The following NKAIN3 variants were observed in gnomAD, a reference collection of about 807,000 sequenced individuals.
NKAIN3 encodes sodium/potassium-transporting ATPase subunit beta-1-interacting protein 3.
Under a neutral mutation model 30.2 loss-of-function variants are expected in NKAIN3, and 25 were observed. That is an observed-to-expected ratio of 0.83 (90% CI 0.60 to 1.16). The LOEUF is 1.16. NKAIN3 is among the 50% of genes most tolerant of loss of function. NKAIN3 has a pLI of 0.00. For missense variants in NKAIN3, 225 were observed against 254.1 expected, an observed-to-expected ratio of 0.89 and a Z score of 0.78; for synonymous variants, 91 against 89.6, an observed-to-expected ratio of 1.02 and a Z score of -0.09.
intron 1 of NKAIN3, among the ~76,000 whole-genome samples, chr8:62,559,424 A>G (rs1373637547): frequency 6.6e-6 from 1 of 152,036 alleles, no homozygotes; most frequent in East Asian, 1.9e-4. Flanking sequence ...GATTCTCAAC[A>G]TATTAAGACA....
chr8:62,319,562 T>A (rs1173330868), intron 1 of NKAIN3, among the ~76,000 whole-genome samples: 1 of 152,208 alleles, frequency 6.6e-6, no homozygotes, highest in Non-Finnish European at 1.5e-5. Flanking sequence ...AAAGAACATA[T>A]TTATTTCTGC....
chr8:62,921,409 C>A (rs1032429750), intron 5 of NKAIN3, among the ~76,000 whole-genome samples: 1 of 152,136 alleles, frequency 6.6e-6, no homozygotes, highest in South Asian at 2.1e-4. Flanking sequence ...ATAACAGCTA[C>A]CACTTCTCTC....
intron 4 of NKAIN3, among the ~76,000 whole-genome samples, chr8:62,899,647 C>T (rs1821540461): frequency 6.6e-6 from 1 of 152,000 alleles, no homozygotes; most frequent in Non-Finnish European, 1.5e-5. Flanking sequence ...AAAGAAGTTA[C>T]AAAGAATGAA....
At chr8:62,566,972 A>G (rs1482099425) in intron 1 of NKAIN3, among the ~76,000 whole-genome samples, 1 of 152,104 alleles carries the variant, frequency 6.6e-6, no homozygotes, top group Non-Finnish European at 1.5e-5. Flanking sequence ...ATACTCTAGG[A>G]TATATACTGG....
Position 62,974,075 on chromosome 8 carries a change from G to A in NKAIN3, c.*8668G>A, listed in dbSNP as rs1823892450. Among the ~76,000 whole-genome samples, 1 of 152,172 alleles carries A rather than the reference G, an allele frequency of 6.6e-6. No homozygotes were observed. Among genetic ancestry groups the A allele is most frequent in the Non-Finnish European group, 1.5e-5 (1 of 68,018 alleles). On this transcript the variant is annotated 3_prime_UTR_variant, in exon 7 of 7. Transcript: ENST00000623646. ...TTGTTTTGGTTACTGTAGCCTTGTA[G>A]TATAGTTTGAAGTTAGGTAGCATGA... is the stretch of plus-strand genomic sequence containing the variant.
At chr8:62,705,419 C>A (rs922435875) in intron 3 of NKAIN3, among the ~76,000 whole-genome samples, 1 of 152,136 alleles carries the variant, frequency 6.6e-6, no homozygotes, top group Admixed American at 6.5e-5. Flanking sequence ...TAGCAATTGG[C>A]GCAGTCCGGG....
At chr8:62,994,534 A>G (rs1804057190) in intron 5 of NKAIN3, among the ~76,000 whole-genome samples, 1 of 152,244 alleles carries the variant, frequency 6.6e-6, no homozygotes, top group Non-Finnish European at 1.5e-5. Context: ...CTTTCCTCAT[A>G]AAACCTGTTT....
At chr8:62,811,882 T>C (rs1818499655) in intron 4 of NKAIN3, among the ~76,000 whole-genome samples, 1 of 152,026 alleles carries the variant, frequency 6.6e-6, no homozygotes, top group Non-Finnish European at 1.5e-5. Context: ...CCATGGATCA[T>C]GCATTGCATG....
At position 62,306,577 on chromosome 8, in the gene NKAIN3, T is replaced by TGTGTGTTG. The variant is rs369616688; in HGVS notation, c.54+57450_54+57451insGTGTGTTG. Among the ~76,000 whole-genome samples the TGTGTGTTG allele has an allele frequency of 1.7e-3, 212 of 123,752 alleles. 9 individuals are homozygous for TGTGTGTTG. Among genetic ancestry groups the TGTGTGTTG allele is most frequent in the African/African-American group, 5.9e-3 (183 of 30,926 alleles). 81.2% of individuals were successfully genotyped at this position (123,752 alleles called of 152,430 possible). ...GTGTGTGTGTGTGTGTGTGTGTGTG[T>TGTGTGTTG]TGTGTGTGTGTTTAGTTTATGTGTG... On this transcript the variant is annotated intron_variant, in intron 1 of 6. Coordinates refer to ENST00000623646, the MANE Select transcript of NKAIN3 (RefSeq NM_001304533.3).
intron 1 of NKAIN3, among the ~76,000 whole-genome samples, chr8:62,477,852 G>A (rs566006685): frequency 4.3e-4 from 66 of 151,920 alleles, no homozygotes; most frequent in South Asian, 8.3e-4. Context: ...AACAGTGAGG[G>A]GATTAGAACA....
At position 62,404,791 on chromosome 8, in the gene NKAIN3, G is replaced by C. The variant is rs192481813; in HGVS notation, c.54+155664G>C. 2.1e-3 allele frequency among the ~76,000 whole-genome samples: 321 copies of C among 150,544 alleles called. 1 individual carries two copies. Among genetic ancestry groups the C allele is most frequent in the African/African-American group, 7.4e-3 (305 of 41,356 alleles). ...TACCTATGCTGTAAGACAAAATACT[G>C]TGTACTTTTCCCTGTCCTTTCCTCA... On this transcript the variant is annotated intron_variant, in intron 1 of 6. Coordinates refer to ENST00000623646, the MANE Select transcript of NKAIN3 (RefSeq NM_001304533.3).
chr8:62,559,565 T>C (rs768512029), intron 1 of NKAIN3, among the ~76,000 whole-genome samples: 2 of 152,074 alleles, frequency 1.3e-5, no homozygotes, highest in Admixed American at 1.3e-4. Context: ...TATAGTGATT[T>C]TGAGTGTATC....
chr8:62,703,793 A>G (rs913843558), intron 3 of NKAIN3, among the ~76,000 whole-genome samples: 6 of 152,256 alleles, frequency 3.9e-5, no homozygotes, highest in African/African-American at 1.4e-4. Context: ...GTCTAGGTGT[A>G]AAATGCTGGG....
At chr8:62,782,466 C>T (rs1305359131) in intron 4 of NKAIN3, among the ~76,000 whole-genome samples, 4 of 151,982 alleles carry the variant, frequency 2.6e-5, no homozygotes, top group African/African-American at 9.7e-5. Flanking sequence ...GGGACACCTG[C>T]ACTCACATGT....
intron 3 of NKAIN3, among the ~76,000 whole-genome samples, chr8:62,595,691 T>C (rs1810807202): frequency 6.6e-6 from 1 of 151,978 alleles, no homozygotes. Flanking sequence ...TAGGGATTCT[T>C]AGTTGGCCTA....
intron 3 of NKAIN3, among the ~76,000 whole-genome samples, chr8:62,703,096 G>A (rs1814395798): frequency 6.6e-6 from 1 of 152,056 alleles, no homozygotes; most frequent in Non-Finnish European, 1.5e-5. Context: ...CTCATTATGG[G>A]TGGGGGTTGG....
At chr8:62,719,771 T>C (rs1427770844) in intron 3 of NKAIN3, among the ~76,000 whole-genome samples, 4 of 148,478 alleles carry the variant, frequency 2.7e-5, no homozygotes, top group African/African-American at 1.0e-4. Flanking sequence ...TTTTTTTTTT[T>C]TTTGAGACGG....
intron 3 of NKAIN3, among the ~76,000 whole-genome samples, chr8:62,601,564 T>C (rs1276939477): frequency 6.6e-6 from 1 of 151,988 alleles, no homozygotes; most frequent in Non-Finnish European, 1.5e-5. Flanking sequence ...TGAACTAACA[T>C]ATTAGTAGGT....
chr8:62,579,469 T>G, intron 1 of NKAIN3, 70 bp from the exon 2 acceptor site: 226 of 1,219,860 alleles, frequency 1.9e-4, no homozygotes, highest in Non-Finnish European at 2.4e-4. Flanking sequence ...CCTCCAGCCA[T>G]GAGATAAAGA....
Sources: gnomAD v4.1 joint callset for allele counts (sites outside exome capture counted in the v4.1 genomes callset) on GRCh38, gnomAD v4.1.1 for gene constraint, MANE v1.5 for transcripts, NCBI Gene and HGNC (gene_info 2026-07-23, HGNC 2026-07-21) for gene names.